Variants in ENTPD7 observed in about 807,000 individuals in gnomAD.
ENTPD7 encodes NTPDase 7.
Under a neutral mutation model 77.9 loss-of-function variants are expected in ENTPD7, and 53 were observed. The ratio of observed to expected loss-of-function variants is 0.68; its 90% CI spans 0.55 to 0.85. The LOEUF (loss-of-function observed/expected upper bound fraction) is 0.85. ENTPD7 is among the 40% of genes least tolerant of loss of function. The probability of loss-of-function intolerance (pLI) is 0.00; values close to 1 mark genes in which losing one functional copy is unlikely to be tolerated. For missense variants in ENTPD7, 636 were observed against 743.7 expected (o/e 0.86, Z 1.68); for synonymous variants, 248 against 274.9 (o/e 0.90, Z 0.97).
At chr10:99,688,262 T>C (rs2035837948) in intron 6 of ENTPD7, among the ~76,000 whole-genome samples, 1 of 152,182 alleles carries the variant, frequency 6.6e-6, no homozygotes. Flanking sequence ...GGTGGTAGTT[T>C]AAACCCTGGT....
At chr10:99,670,281 T>C (rs4917877) in intron 3 of ENTPD7, among the ~76,000 whole-genome samples, 62,492 of 152,020 alleles carry the variant, frequency 0.41, 13,107 homozygotes, top group East Asian at 0.6. Flanking sequence ...AGTTCCTCAC[T>C]TGGACTGGGC....
rs1304609473 is a variant in ENTPD7, at chr10:99,706,185, T to C, written c.*1502T>C. The stretch of plus-strand genomic sequence containing the variant: ...GAACAGAAAGGAACTAAATGCTTCA[T>C]AAAACAGGGAAAAAGAAATTAAGAT... On this transcript the variant is annotated 3_prime_UTR_variant, in exon 13 of 13. Transcript: ENST00000370489. The C allele has an allele frequency of 2.0e-5, 3 of 152,104 alleles. No homozygotes were observed. Among genetic ancestry groups the C allele is most frequent in the Non-Finnish European group, 4.4e-5 (3 of 68,012 alleles). The allele number at this position is 152,104 out of a possible 1,614,324, so 9.4% of individuals were successfully genotyped here. A position where few individuals can be genotyped will look rare whatever the true frequency, so the allele number is the denominator to read the frequency against.
chr10:99,660,495 A>C, intron 2 of ENTPD7: 1 of 523,058 alleles, frequency 1.9e-6, no homozygotes, highest in Non-Finnish European at 3.4e-6. Flanking sequence ...ATGGTGGACT[A>C]CCATTTGTGT....
Position 99,708,760 on chromosome 10 carries a change from G to C in ENTPD7, c.*4077G>C, listed in dbSNP as rs1231877001. ...CTGGTCAACCCCCTTGATTTATATG[G>C]GTGATAAAACTGAGGCCTAGAGCAG... On this transcript the variant is annotated 3_prime_UTR_variant, in exon 13 of 13. Transcript: ENST00000370489. 1.1e-6 allele frequency: 1 copy of C among 870,284 alleles called. No individual in the cohort carries two copies. The highest frequency in any genetic ancestry group is 1.4e-6 in the Non-Finnish European group (1 of 725,044). 53.9% of individuals were successfully genotyped at this position (870,284 alleles called of 1,614,324 possible).
intron 11 of ENTPD7, among the ~76,000 whole-genome samples, chr10:99,701,605 T>A (rs959958521): frequency 2.6e-5 from 4 of 152,102 alleles, no homozygotes; most frequent in Admixed American, 2.6e-4. Flanking sequence ...ATTTTTTTTT[T>A]AACTTTGTAT....
rs1027956125 is a variant in ENTPD7, at chr10:99,702,591, C to G, written c.1501C>G (p.Arg501Gly). Residue 501 changes from arginine to glycine, a missense_variant, in exon 12 of 13, where the codon CGG (arginine) becomes GGG (glycine). Around this residue, in one of 3 missense-constraint regions of ENTPD7, gnomAD observed 138 missense variants for 150.9 expected, o/e 0.91. Transcript: ENST00000370489. ...CTTTCCCTATGACTACCCAAACCTG[C>G]GGACAGCCCAGCTGGTGTATGACCG... Reference protein sequence around the residue: ...FHFPYDYPNLRTAQLVYDREV... With the variant: ...FHFPYDYPNLGTAQLVYDREV... 1.2e-6 allele frequency: 2 copies of G among 1,613,468 alleles called. No homozygotes were observed. Among genetic ancestry groups the G allele is most frequent in the Non-Finnish European group, 8.5e-7 (1 of 1,179,756 alleles).
intron 3 of ENTPD7, among the ~76,000 whole-genome samples, chr10:99,676,443 G>T (rs899929858): frequency 1.3e-5 from 2 of 152,186 alleles, no homozygotes; most frequent in African/African-American, 4.8e-5. Flanking sequence ...TGCAGAAGGG[G>T]ATGGGATCCA....
chr10:99,660,216 C>T, intron 2 of ENTPD7: 2 of 748,086 alleles, frequency 2.7e-6, no homozygotes, highest in Non-Finnish European at 3.3e-6. Context: ...AAGGTTGTAA[C>T]ATTGATTCAG....
At position 99,698,843 on chromosome 10, in the gene ENTPD7, T is replaced by G; in HGVS notation, c.1320T>G (p.Phe440Leu). The G allele has an allele frequency of 6.2e-7, 1 of 1,601,572 alleles. No individual in the cohort carries two copies. The highest frequency in any genetic ancestry group is 8.5e-7 in the Non-Finnish European group (1 of 1,173,006). The change falls in exon 10 of 13, where the codon TTT (phenylalanine) becomes TTG (leucine). Residue 440 changes from phenylalanine to leucine, a missense_variant. Around this residue, in one of 3 missense-constraint regions of ENTPD7, gnomAD observed 486 missense variants for 556.5 expected, o/e 0.87. Coordinates refer to ENST00000370489, the MANE Select transcript of ENTPD7 (RefSeq NM_020354.5). Reference sequence around the variant, plus strand: ...GTGGCCGCTACCATGGGCCAACATTTGCCAAGGCTGCTCAGGTAAATTATT... The same window carrying G: ...GTGGCCGCTACCATGGGCCAACATTGGCCAAGGCTGCTCAGGTAAATTATT... ...RIGGRYHGPT[F>L]AKAAQDYCGM...
rs992465077 is a variant in ENTPD7, at chr10:99,711,059, A to G, written c.*6376A>G. The G allele has an allele frequency of 1.2e-5, 12 of 984,476 alleles. No homozygotes were observed. Among genetic ancestry groups the G allele is most frequent in the African/African-American group, 8.8e-5 (5 of 56,956 alleles). The allele number at this position is 984,476 out of a possible 1,614,324, so 61.0% of individuals were successfully genotyped here. ...TTCCATTCATGCATTCACTAATTCAATATTTGATATGTGTCTGGGAGTGCT... is the reference window on the plus strand; with the variant it reads ...TTCCATTCATGCATTCACTAATTCAGTATTTGATATGTGTCTGGGAGTGCT... On this transcript the variant is annotated 3_prime_UTR_variant, in exon 13 of 13. Coordinates refer to ENST00000370489, the MANE Select transcript of ENTPD7 (RefSeq NM_020354.5).
Position 99,705,427 on chromosome 10 carries a change from C to T in ENTPD7, c.*744C>T, listed in dbSNP as rs1039278844. 2 of 152,352 alleles carry T rather than the reference C, an allele frequency of 1.3e-5. No homozygotes were observed. The highest frequency in any genetic ancestry group is 2.4e-5 in the African/African-American group (1 of 41,408). The allele number at this position is 152,352 out of a possible 1,614,324, so 9.4% of individuals were successfully genotyped here. ...TTATGTGCCTCACAGGCTGTTTGGG[C>T]ATTAATTTTGCTTTTTGAGCCTTAA... On this transcript the variant is annotated 3_prime_UTR_variant, in exon 13 of 13. Transcript: ENST00000370489.
rs1472219343 is a variant in ENTPD7, at chr10:99,659,660, C to T, written c.-96+72C>T. ...AGGAAGCGGGACCCACACCCCGCCA[C>T]CTGGGGACGACCGGTTCCTAGAGGA... On this transcript the variant is annotated intron_variant, in intron 1 of 12. Coordinates refer to ENST00000370489, the MANE Select transcript of ENTPD7 (RefSeq NM_020354.5). This position sits in a 1 kb window ranked among gnomAD's most constrained non-coding sequence, Gnocchi z 4.1. The T allele has an allele frequency of 1.0e-5, 3 of 296,638 alleles. No individual in the cohort carries two copies. Among genetic ancestry groups the T allele is most frequent in the Non-Finnish European group, 1.9e-5 (3 of 158,780 alleles). 18.4% of individuals were successfully genotyped at this position (296,638 alleles called of 1,614,324 possible).
intron 10 of ENTPD7, 144 bp downstream of exon 10, chr10:99,699,002 G>C (rs1215702530): frequency 1.4e-6 from 1 of 727,904 alleles, no homozygotes; most frequent in African/African-American, 1.8e-5. Context: ...TCATTTTACA[G>C]ATGAGGAAGT....
chr10:99,709,005 C>G lies in ENTPD7; in HGVS notation c.*4322C>G. On this transcript the variant is annotated 3_prime_UTR_variant, in exon 13 of 13. Coordinates refer to ENST00000370489, the MANE Select transcript of ENTPD7 (RefSeq NM_020354.5). Reference sequence around the variant, plus strand: ...TTAGGAATAAACTTTGAAAAAAATACTTTGTCAGAAATAGTGCCAAGTTTT... The same window carrying G: ...TTAGGAATAAACTTTGAAAAAAATAGTTTGTCAGAAATAGTGCCAAGTTTT... The G allele has an allele frequency of 1.0e-6, 1 of 985,354 alleles. No homozygotes were observed. Among genetic ancestry groups the G allele is most frequent in the South Asian group, 4.7e-5 (1 of 21,284 alleles). The allele number at this position is 985,354 out of a possible 1,614,324, so 61.0% of individuals were successfully genotyped here.
At chr10:99,688,788 G>T in intron 7 of ENTPD7, 38 bp downstream of exon 7, 1 of 1,602,588 alleles carries the variant, frequency 6.2e-7, no homozygotes, top group Non-Finnish European at 8.5e-7. Context: ...TTTACCTAAG[G>T]GCTGAAGATT....
intron 3 of ENTPD7, among the ~76,000 whole-genome samples, chr10:99,667,441 T>A (rs1291411227): frequency 6.6e-6 from 1 of 152,144 alleles, no homozygotes; most frequent in Non-Finnish European, 1.5e-5. Context: ...GAGATAATAG[T>A]TTAGGTACGG....
intron 6 of ENTPD7, among the ~76,000 whole-genome samples, chr10:99,688,450 T>A (rs1355842109): frequency 6.6e-6 from 1 of 152,272 alleles, no homozygotes; most frequent in Non-Finnish European, 1.5e-5. Context: ...AGATGATTTA[T>A]ACTTCTTAGA....
chr10:99,700,940 T>A (rs774919368), intron 10 of ENTPD7, 33 bp from the exon 11 acceptor site: 2 of 1,582,730 alleles, frequency 1.3e-6, no homozygotes, highest in Admixed American at 3.4e-5. Context: ...GCCTCCAAAT[T>A]CATGTTGCAC....
chr10:99,699,529 T>C (rs2036063017), intron 10 of ENTPD7, among the ~76,000 whole-genome samples: 2 of 152,178 alleles, frequency 1.3e-5, no homozygotes, highest in Admixed American at 1.3e-4. Flanking sequence ...TGTCTCTATC[T>C]TTTTCATCAG....
Sources: allele counts gnomAD v4.1 joint callset (sites outside exome capture counted in the v4.1 genomes callset), GRCh38; gene constraint gnomAD v4.1.1; regional missense constraint gnomAD v4.1.1; non-coding constraint Gnocchi (gnomAD v3.1); transcripts MANE v1.5; gene names NCBI Gene and HGNC (gene_info 2026-07-23, HGNC 2026-07-21).